The following SNAP23 variants were observed in gnomAD, a reference collection of about 807,000 sequenced individuals.
SNAP23 encodes the protein synaptosome associated protein 23, also known as synaptosomal-associated protein 23.
In SNAP23, 11 loss-of-function variants were observed where a neutral mutation model predicts 29.0. That is an observed-to-expected ratio of 0.38 (90% confidence interval 0.24 to 0.63). The LOEUF is 0.63. SNAP23 is among the 20% of genes least tolerant of loss of function. SNAP23 has a pLI of 0.58. For missense variants in SNAP23, 220 were observed against 253.9 expected (o/e 0.87, Z 0.91); for synonymous variants, 60 against 82.9 (o/e 0.72, Z 1.50).
chr15:42,524,550 C>G (rs2057479777), intron 5 of SNAP23, among the ~76,000 whole-genome samples: 1 of 152,296 alleles, frequency 6.6e-6, no homozygotes, highest in East Asian at 1.9e-4. Context: ...TAGTTGTACG[C>G]TCCTTATGAG....
chr15:42,520,314 G>A (rs2057434777), intron 5 of SNAP23, among the ~76,000 whole-genome samples: 1 of 152,046 alleles, frequency 6.6e-6, no homozygotes, highest in South Asian at 2.1e-4. Context: ...CTCCCAAAGT[G>A]CTGGGATTAC....
At chr15:42,498,629 G>A (rs1430919597) in intron 1 of SNAP23, among the ~76,000 whole-genome samples, 1 of 152,134 alleles carries the variant, frequency 6.6e-6, no homozygotes, top group Non-Finnish European at 1.5e-5. Context: ...CCATTGTTTT[G>A]GTGATTAACA....
intron 4 of SNAP23, among the ~76,000 whole-genome samples, chr15:42,514,796 G>A (rs1169341053): frequency 1.3e-5 from 2 of 149,808 alleles, no homozygotes; most frequent in Admixed American, 1.3e-4. Flanking sequence ...TCCAACTGCC[G>A]GGTTCAAGCA....
At chr15:42,502,655 C>T (rs1310335991) in intron 1 of SNAP23, among the ~76,000 whole-genome samples, 1 of 152,236 alleles carries the variant, frequency 6.6e-6, no homozygotes, top group Non-Finnish European at 1.5e-5. Context: ...TGGTATCTCC[C>T]TGGCAGATAC....
intron 1 of SNAP23, among the ~76,000 whole-genome samples, chr15:42,508,918 G>A (rs1595519641): frequency 6.6e-6 from 1 of 152,130 alleles, no homozygotes; most frequent in African/African-American, 2.4e-5. Flanking sequence ...TAATGGATTA[G>A]TGTATATTAT....
intron 5 of SNAP23, among the ~76,000 whole-genome samples, chr15:42,522,990 G>A (rs1372144648): frequency 4.0e-5 from 6 of 151,334 alleles, no homozygotes; most frequent in Admixed American, 2.6e-4. Flanking sequence ...GATTACAAGC[G>A]TGCGCCACCA....
intron 4 of SNAP23, among the ~76,000 whole-genome samples, chr15:42,514,953 G>A (rs918619010): frequency 2.6e-5 from 4 of 151,950 alleles, no homozygotes; most frequent in Non-Finnish European, 5.9e-5. Flanking sequence ...CGCCCACCTC[G>A]GCCTCCCAAA....
chr15:42,493,607 T>TG (rs2141489089), upstream of SNAP23, among the ~76,000 whole-genome samples: 1 of 152,168 alleles, frequency 6.6e-6, no homozygotes, highest in South Asian at 2.1e-4. Flanking sequence ...CCTCAACAAG[T>TG]GACTGCTGCT....
upstream of SNAP23, chr15:42,495,345 T>A (rs1221162449): frequency 6.6e-6 from 1 of 152,256 alleles, no homozygotes; most frequent in African/African-American, 2.4e-5. Context: ...CTAGACATAT[T>A]GAAAGGCGAT....
chr15:42,521,540 T>C, intron 5 of SNAP23: 2 of 1,506,114 alleles, frequency 1.3e-6, no homozygotes, highest in Non-Finnish European at 1.8e-6. Flanking sequence ...TCTGTTTGAC[T>C]GGCATTTACT....
At chr15:42,500,389 C>CTTT (rs769547908) in intron 1 of SNAP23, among the ~76,000 whole-genome samples, 7 of 138,620 alleles carry the variant, frequency 5.0e-5, no homozygotes, top group Non-Finnish European at 9.4e-5. Flanking sequence ...TTTCTTTTCC[C>CTTT]TTTTTTTTTT....
At chr15:42,511,209 A>G (rs1373169744) in intron 1 of SNAP23, among the ~76,000 whole-genome samples, 1 of 152,194 alleles carries the variant, frequency 6.6e-6, no homozygotes, top group African/African-American at 2.4e-5. Context: ...TTGGTTTCTT[A>G]GGGACTCCAG....
At chr15:42,526,017 C>T (rs1297221387) in intron 5 of SNAP23, among the ~76,000 whole-genome samples, 1 of 152,114 alleles carries the variant, frequency 6.6e-6, no homozygotes, top group Admixed American at 6.6e-5. Context: ...GGTCATGTCC[C>T]AGTCCACTCC....
chr15:42,518,949 A>C (rs1002679401), intron 5 of SNAP23, among the ~76,000 whole-genome samples: 2 of 151,006 alleles, frequency 1.3e-5, no homozygotes, highest in Non-Finnish European at 3.0e-5. Flanking sequence ...TGCAGCCTCG[A>C]CCTCCTAGGT....
chr15:42,493,505 C>T (rs150386670), upstream of SNAP23, among the ~76,000 whole-genome samples: 230 of 152,174 alleles, frequency 1.5e-3, no homozygotes, highest in African/African-American at 4.6e-3. Context: ...AGGACAAAAT[C>T]GTCCCTGGTT....
chr15:42,525,383 A>G (rs1352869581), intron 5 of SNAP23, among the ~76,000 whole-genome samples: 1 of 150,366 alleles, frequency 6.7e-6, no homozygotes, highest in East Asian at 2.0e-4. Flanking sequence ...AAAAAAAAAA[A>G]ATTCAAAGTC....
At chr15:42,529,931 T>C (rs907300007) in intron 7 of SNAP23, 112 bp downstream of exon 7, 43 of 1,163,282 alleles carry the variant, frequency 3.7e-5, no homozygotes, top group Non-Finnish European at 5.1e-5. Context: ...CCTGTCCTCA[T>C]AGGTCTTAAT....
intron 1 of SNAP23, among the ~76,000 whole-genome samples, chr15:42,503,018 G>C (rs2057287373): frequency 6.6e-6 from 1 of 152,014 alleles, no homozygotes; most frequent in Non-Finnish European, 1.5e-5. Flanking sequence ...TAAACTCCTG[G>C]GCTCAGGTGA....
chr15:42,513,473 C>T (rs1342170364), intron 4 of SNAP23, 26 bp downstream of exon 4: 3 of 1,587,970 alleles, frequency 1.9e-6, no homozygotes, highest in Non-Finnish European at 1.7e-6. Context: ...AGCAGAAATT[C>T]TTAATTTGAC....
Sources: allele counts gnomAD v4.1 joint callset (sites outside exome capture counted in the v4.1 genomes callset), GRCh38; gene constraint gnomAD v4.1.1; transcripts MANE v1.5; gene names NCBI Gene and HGNC (gene_info 2026-07-23, HGNC 2026-07-21).